The following PMP22 variants were observed in gnomAD, a reference collection of about 807,000 sequenced individuals.
PMP22 encodes the protein peripheral myelin protein 22.
Under a neutral mutation model 18.9 loss-of-function variants are expected in PMP22, and 2 were observed. The observed-to-expected ratio is 0.11, with a 90% CI of 0.04 to 0.33. The LOEUF is 0.33. Among genes scored for constraint, PMP22 ranks in the 10% least tolerant of loss-of-function variants. The pLI, the probability that PMP22 is intolerant of heterozygous loss-of-function variation, is 1.00. For missense variants in PMP22, 169 were observed against 202.2 expected (o/e 0.84, Z 1.00); for synonymous variants, 95 against 89.2 (o/e 1.07, Z -0.37).
chr17:15,234,760 T>A (rs1248600471), intron 4 of PMP22, among the ~76,000 whole-genome samples: 1 of 151,954 alleles, frequency 6.6e-6, no homozygotes, highest in Non-Finnish European at 1.5e-5. Flanking sequence ...CACCTTTGAA[T>A]CACTCTGAAC....
intron 4 of PMP22, 129 bp from the exon 5 acceptor site, chr17:15,231,209 C>CAG: frequency 2.2e-6 from 2 of 924,976 alleles, no homozygotes; most frequent in Non-Finnish European, 3.4e-6. Context: ...AATCTGCTTC[C>CAG]AGGTCCAGAA....
intron 2 of PMP22, 103 bp from the exon 3 acceptor site, chr17:15,259,296 C>T (rs916739374): frequency 7.0e-6 from 6 of 856,982 alleles, no homozygotes; most frequent in African/African-American, 5.0e-5. Flanking sequence ...CCCGCATCCA[C>T]CTAGCCACAC....
At chr17:15,247,169 A>AC (rs1194595323) in intron 3 of PMP22, among the ~76,000 whole-genome samples, 1 of 129,254 alleles carries the variant, frequency 7.7e-6, no homozygotes. Context: ...GGAGATTGAG[A>AC]CCATCCTGGC....
Position 15,231,081 on chromosome 17 carries a change from C to A in PMP22, c.320-1G>T. 1 of 1,613,196 alleles carries A rather than the reference C, an allele frequency of 6.2e-7. No individual in the cohort carries two copies. The highest frequency in any genetic ancestry group is 8.5e-7 in the Non-Finnish European group (1 of 1,179,834). On this transcript the variant is annotated splice_acceptor_variant, in intron 4 of 4. Transcript: ENST00000312280. LOFTEE classifies it high-confidence loss of function. ...GCCGCAGCACTCATCACGCACAGAC[C>A]TGGGGAAGGAGAGGGACAAGCTGGG...
intron 2 of PMP22, chr17:15,260,387 C>T: frequency 1.8e-6 from 1 of 553,484 alleles, no homozygotes. Flanking sequence ...GGTCGGGGAC[C>T]CTAGATCGGC....
chr17:15,232,068 A>G (rs905223401), intron 4 of PMP22, among the ~76,000 whole-genome samples: 1 of 151,938 alleles, frequency 6.6e-6, no homozygotes, highest in Non-Finnish European at 1.5e-5. Flanking sequence ...GAGTGACTCT[A>G]TTATAAATCC....
intron 3 of PMP22, among the ~76,000 whole-genome samples, chr17:15,248,141 T>A (rs1269757786): frequency 1.3e-5 from 2 of 152,352 alleles, no homozygotes; most frequent in African/African-American, 4.8e-5. Flanking sequence ...CCCCCTGGGC[T>A]TCAACTTCTC....
intron 1 of PMP22, among the ~76,000 whole-genome samples, chr17:15,263,491 T>A (rs1341699130): frequency 1.3e-5 from 2 of 151,990 alleles, no homozygotes; most frequent in African/African-American, 4.8e-5. Context: ...GAGACTCCCG[T>A]GCGCAGGCCA....
intron 3 of PMP22, among the ~76,000 whole-genome samples, chr17:15,240,224 T>C (rs1307881182): frequency 6.6e-6 from 1 of 152,176 alleles, no homozygotes; most frequent in Non-Finnish European, 1.5e-5. Context: ...AGAACTTCTG[T>C]ATTCCAAGAA....
At chr17:15,243,790 TATA>T (rs1269137012) in intron 3 of PMP22, among the ~76,000 whole-genome samples, 1 of 147,874 alleles carries the variant, frequency 6.8e-6, no homozygotes, top group Non-Finnish European at 1.5e-5. Flanking sequence ...TTATATAACA[TATA>T]ATTATAATTA....
chr17:15,258,961 C>A lies in PMP22; in HGVS notation c.178+133G>T, dbSNP rs568916463. On this transcript the variant is annotated intron_variant, in intron 3 of 4. Transcript: ENST00000312280. This position sits in a 1 kb window ranked among gnomAD's most constrained non-coding sequence, Gnocchi z 4.1. ...TCCCATTTTCCCTGGACTCATGGCT[C>A]CCTGTCACATCCCACCCCACCCCAG... 163 of 728,246 alleles carry A rather than the reference C, an allele frequency of 2.2e-4. 1 individual carries two copies. In the South Asian group the frequency reaches 2.3e-3, roughly 10 times the overall value. 45.1% of individuals were successfully genotyped at this position (728,246 alleles called of 1,614,324 possible). A position where few individuals can be genotyped will look rare whatever the true frequency, so the allele number is the denominator to read the frequency against.
Position 15,230,682 on chromosome 17 carries a change from T to A in PMP22, c.*235A>T. 3.6e-6 allele frequency: 2 copies of A among 549,918 alleles called. No individual in the cohort carries two copies. The allele number at this position is 549,918 out of a possible 1,614,324, so 34.1% of individuals were successfully genotyped here. A position where few individuals can be genotyped will look rare whatever the true frequency, so the allele number is the denominator to read the frequency against. ...CTCAACACGAGGCTGATGGTCAACA[T>A]AAAAAGCAAACAATACTATGTACAT... On this transcript the variant is annotated 3_prime_UTR_variant, in exon 5 of 5. Transcript: ENST00000312280.
At chr17:15,234,266 A>G (rs1906603627) in intron 4 of PMP22, among the ~76,000 whole-genome samples, 1 of 152,220 alleles carries the variant, frequency 6.6e-6, no homozygotes, top group African/African-American at 2.4e-5. Context: ...CTCAGAAGCC[A>G]GGGGAATAGA....
At chr17:15,259,017 A>C (rs1243856711) in intron 3 of PMP22, 77 bp downstream of exon 3, 2 of 1,066,908 alleles carry the variant, frequency 1.9e-6, no homozygotes, top group Non-Finnish European at 1.4e-6. Context: ...TCTTCCAATA[A>C]GCGTTTCCAG....
At chr17:15,234,173 G>A (rs916932685) in intron 4 of PMP22, among the ~76,000 whole-genome samples, 3 of 152,138 alleles carry the variant, frequency 2.0e-5, no homozygotes, top group Non-Finnish European at 2.9e-5. Flanking sequence ...TCAGTAGAAG[G>A]CTGGCTGTGG....
At chr17:15,245,957 G>A (rs1220780210) in intron 3 of PMP22, among the ~76,000 whole-genome samples, 1 of 151,148 alleles carries the variant, frequency 6.6e-6, no homozygotes, top group Non-Finnish European at 1.5e-5. Flanking sequence ...AGCTTGCAGT[G>A]AGCCGAGATC....
At chr17:15,246,019 C>CA (rs58149809) in intron 3 of PMP22, among the ~76,000 whole-genome samples, 68,479 of 128,744 alleles carry the variant, frequency 0.53, 16,944 homozygotes, top group Middle Eastern at 0.62. Context: ...AGACTCGTCT[C>CA]AAAAAAAAAA....
intron 4 of PMP22, among the ~76,000 whole-genome samples, chr17:15,234,916 A>G (rs1405469292): frequency 1.3e-5 from 2 of 152,066 alleles, no homozygotes; most frequent in East Asian, 3.9e-4. Flanking sequence ...TCTCAGCCTC[A>G]AGCAATCCTC....
chr17:15,247,805 G>C (rs1907967905), intron 3 of PMP22, among the ~76,000 whole-genome samples: 1 of 152,208 alleles, frequency 6.6e-6, no homozygotes, highest in Non-Finnish European at 1.5e-5. Flanking sequence ...AGGAAGGACA[G>C]TTGCAAGAGT....
Sources: allele counts gnomAD v4.1 joint callset (sites outside exome capture counted in the v4.1 genomes callset), GRCh38; gene constraint gnomAD v4.1.1; non-coding constraint Gnocchi (gnomAD v3.1); transcripts MANE v1.5; gene names NCBI Gene and HGNC (gene_info 2026-07-23, HGNC 2026-07-21).